The following PDE4DIP variants were observed in gnomAD, a reference collection of about 807,000 sequenced individuals.
PDE4DIP encodes phosphodiesterase 4D interacting protein, also known as myomegalin.
Under a neutral mutation model 221.4 loss-of-function variants are expected in PDE4DIP, and 59 were observed. The ratio of observed to expected loss-of-function variants is 0.27; its 90% CI spans 0.22 to 0.33. PDE4DIP has a LOEUF of 0.33. Among genes scored for constraint, PDE4DIP ranks in the 10% least tolerant of loss-of-function variants. PDE4DIP has a pLI of 1.00. For synonymous variants in PDE4DIP, 404 were observed against 815.9 expected, an observed-to-expected ratio of 0.50 and a Z score of 8.60; for missense variants, 1,036 against 2,154.2, an observed-to-expected ratio of 0.48 and a Z score of 10.28.
At chr1:148,940,984 C>T (rs1355366915) in intron 5 of PDE4DIP, among the ~76,000 whole-genome samples, 1 of 139,734 alleles carries the variant, frequency 7.2e-6, no homozygotes, top group Non-Finnish European at 1.6e-5. Context: ...ATACTTTGTC[C>T]TGTAACATCC....
chr1:148,953,973 G>A (rs1219023124), intron 5 of PDE4DIP: 4 of 899,424 alleles, frequency 4.4e-6, no homozygotes, highest in African/African-American at 3.4e-5. Flanking sequence ...ACGTGATTTC[G>A]GTCTAGGTGG....
chr1:148,981,000 A>G (rs587667655), intron 20 of PDE4DIP, among the ~76,000 whole-genome samples: 2 of 152,374 alleles, frequency 1.3e-5, no homozygotes, highest in South Asian at 4.1e-4. Context: ...GGGGTGTGAG[A>G]TAAGTCTTAG....
intron 22 of PDE4DIP, chr1:148,993,927 GA>G: frequency 1.2e-5 from 1 of 85,574 alleles, no homozygotes; most frequent in Non-Finnish European, 2.3e-5. Context: ...TTGTTTCCAG[GA>G]AAATGGTCCC....
intron 1 of PDE4DIP, among the ~76,000 whole-genome samples, chr1:148,896,469 G>T: frequency 6.7e-6 from 1 of 149,938 alleles, no homozygotes; most frequent in African/African-American, 2.5e-5. Context: ...TTTCTCCTAT[G>T]TTTTACTTAC....
intron 2 of PDE4DIP, chr1:148,866,636 G>A (rs1395101726): frequency 2.1e-5 from 1 of 47,786 alleles, no homozygotes; most frequent in East Asian, 8.4e-4. Flanking sequence ...GAGGGGGAAG[G>A]GAGGGGAGGG....
chr1:148,885,093 AG>A (rs1321482093), upstream of PDE4DIP, among the ~76,000 whole-genome samples: 4 of 147,486 alleles, frequency 2.7e-5, no homozygotes, highest in Non-Finnish European at 6.0e-5. Flanking sequence ...GTGACACAGC[AG>A]TGAACAAACT....
At chr1:148,881,597 A>G (rs1693718970) in intron 3 of PDE4DIP, among the ~76,000 whole-genome samples, 4 of 146,892 alleles carry the variant, frequency 2.7e-5, no homozygotes, top group Admixed American at 2.7e-4. Flanking sequence ...TTTTTTACAT[A>G]GATCCAGGTT....
At chr1:148,958,358 A>G (rs1553504686) in intron 5 of PDE4DIP, among the ~76,000 whole-genome samples, 1 of 152,234 alleles carries the variant, frequency 6.6e-6, no homozygotes, top group East Asian at 1.9e-4. Flanking sequence ...GTGCTCCCCA[A>G]TAATTCATTC....
At chr1:148,963,098 G>A (rs370445610) in intron 9 of PDE4DIP, among the ~76,000 whole-genome samples, 23 of 152,090 alleles carry the variant, frequency 1.5e-4, no homozygotes, top group African/African-American at 5.6e-4. Flanking sequence ...GGTTTTCATC[G>A]TGTTAGGATG....
Position 149,020,268 on chromosome 1 carries a change from G to C in PDE4DIP, c.5892G>C (p.Leu1964Phe), listed in dbSNP as rs782432086. 9.0e-6 allele frequency: 5 copies of C among 553,400 alleles called. No homozygotes were observed. The South Asian group carries it at 1.1e-4, about 12-fold the overall frequency. The allele number at this position is 553,400 out of a possible 1,614,324, so 34.3% of individuals were successfully genotyped here. Residue 1964 changes from leucine to phenylalanine, a missense_variant, in exon 36 of 44, where the codon TTG becomes TTC. Coordinates refer to ENST00000369354, the Ensembl canonical transcript of PDE4DIP. ...AAAGGCAGCAGCTTTTGGAAGACTT[G>C]AGGGAGAAGCAGCAAGAGGTCTTGC... is the stretch of plus-strand genomic sequence containing the variant.
chr1:149,022,075 G>GCAGC (rs2073154344), intron 37 of PDE4DIP, among the ~76,000 whole-genome samples: 1 of 150,414 alleles, frequency 6.6e-6, no homozygotes, highest in African/African-American at 2.4e-5. Context: ...TATAGGACAG[G>GCAGC]CAGCCATTCA....
At chr1:149,015,727 C>A (rs2070288087) in intron 32 of PDE4DIP, among the ~76,000 whole-genome samples, 1 of 150,012 alleles carries the variant, frequency 6.7e-6, no homozygotes, top group Non-Finnish European at 1.5e-5. Context: ...TAAATACTTG[C>A]CTTACATAGG....
At chr1:148,937,451 A>G (rs2049462027) in intron 4 of PDE4DIP, among the ~76,000 whole-genome samples, 1 of 152,186 alleles carries the variant, frequency 6.6e-6, no homozygotes, top group Non-Finnish European at 1.5e-5. Flanking sequence ...CACCACCACC[A>G]AAAAATTCTA....
chr1:149,017,963 G>A (rs1179916500), intron 34 of PDE4DIP, 84 bp downstream of exon 37: 11 of 1,378,838 alleles, frequency 8.0e-6, no homozygotes, highest in African/African-American at 2.8e-5. Flanking sequence ...TACTTCACTC[G>A]CTCCTTATGA....
chr1:148,990,188 C>T (rs1373242203), intron 21 of PDE4DIP: 1 of 983,604 alleles, frequency 1.0e-6, no homozygotes, highest in African/African-American at 1.7e-5. Context: ...GTGAACTGCC[C>T]CCTCAAACAT....
At chr1:149,020,775 G>A (rs2072526845) in intron 36 of PDE4DIP, 1 of 501,660 alleles carries the variant, frequency 2.0e-6, no homozygotes, top group Non-Finnish European at 3.6e-6. Context: ...TGGTGTGTCT[G>A]TTCTGCTCTG....
intron 20 of PDE4DIP, 128 bp downstream of exon 23, chr1:148,979,977 G>T: frequency 8.0e-7 from 1 of 1,254,934 alleles, no homozygotes; most frequent in Non-Finnish European, 1.1e-6. Context: ...GAAAAAAGAG[G>T]GACAATTACC....
chr1:149,031,794 C>T, intron 43 of PDE4DIP, 150 bp from the exon 47 acceptor site: 3 of 727,070 alleles, frequency 4.1e-6, no homozygotes, highest in Non-Finnish European at 7.2e-6. Flanking sequence ...CTCCTCCAGA[C>T]TGCAGCGCAT....
chr1:149,025,652 A>G (rs1225251592), intron 38 of PDE4DIP: 3 of 146,130 alleles, frequency 2.1e-5, no homozygotes, highest in South Asian at 2.3e-4. Context: ...ACTCACCTCC[A>G]TGGCCATACC....
Sources: allele counts gnomAD v4.1 joint callset (sites outside exome capture counted in the v4.1 genomes callset), GRCh38; gene constraint gnomAD v4.1.1; transcripts MANE v1.5; gene names NCBI Gene and HGNC (gene_info 2026-07-23, HGNC 2026-07-21).